The following JAZF1 variants were observed in gnomAD, a reference collection of about 807,000 sequenced individuals.
JAZF1 encodes JAZF zinc finger 1, also known as juxtaposed with another zinc finger protein 1.
Under a neutral mutation model 26.4 loss-of-function variants are expected in JAZF1, and 8 were observed. The ratio of observed to expected loss-of-function variants is 0.30; its 90% CI spans 0.18 to 0.55. The LOEUF (loss-of-function observed/expected upper bound fraction) is 0.55, where lower values mean the gene tolerates loss of function less well. Ranked by LOEUF, JAZF1 falls within the 20% of genes least tolerant of loss-of-function variation. The pLI is 0.94. For missense variants in JAZF1, 199 were observed against 322.0 expected, an observed-to-expected ratio of 0.62 and a Z score of 2.92; for synonymous variants, 126 against 122.3, an observed-to-expected ratio of 1.03 and a Z score of -0.20.
At chr7:28,143,218 T>G (rs80144478) in intron 1 of JAZF1, among the ~76,000 whole-genome samples, 8,877 of 152,288 alleles carry the variant, frequency 0.058, 794 homozygotes, top group African/African-American at 0.2. Context: ...GCCTCTAGCC[T>G]TGTAGTGCTG....
At chr7:27,914,868 C>G (rs1014617442) in intron 2 of JAZF1, 3 of 470,972 alleles carry the variant, frequency 6.4e-6, no homozygotes, top group Non-Finnish European at 1.3e-5. Flanking sequence ...TGTTCTAGAA[C>G]CTCCCTCTAG....
chr7:28,080,931 TAAAAAAAAACA>T (rs1297318134), intron 1 of JAZF1, among the ~76,000 whole-genome samples: 2 of 139,926 alleles, frequency 1.4e-5, no homozygotes, highest in Admixed American at 1.4e-4. Flanking sequence ...CTACAATTTG[TAAAAAAAAACA>T]AAAAAAAAAA....
At chr7:27,991,179 A>T (rs910649444) in intron 2 of JAZF1, among the ~76,000 whole-genome samples, 31 of 152,318 alleles carry the variant, frequency 2.0e-4, no homozygotes, top group African/African-American at 7.5e-4. Context: ...ATCAATAGAA[A>T]TTCATTCCCT....
intron 1 of JAZF1, among the ~76,000 whole-genome samples, chr7:28,148,364 C>A (rs1454654390): frequency 1.3e-5 from 2 of 152,300 alleles, no homozygotes; most frequent in African/African-American, 4.8e-5. Context: ...AGCCACCGCG[C>A]CTGGCCCACG....
chr7:27,876,275 A>AT (rs1783678329), intron 3 of JAZF1, among the ~76,000 whole-genome samples: 1 of 152,210 alleles, frequency 6.6e-6, no homozygotes, highest in Non-Finnish European at 1.5e-5. Flanking sequence ...CTAATACAGC[A>AT]TAATTCCTGA....
rs116842988 is a variant in JAZF1, at chr7:28,029,583, C to T, written c.116-37602G>A. Among the ~76,000 whole-genome samples, 159 of 152,206 alleles carry T rather than the reference C, an allele frequency of 1.0e-3. 1 individual carries two copies. The highest frequency in any genetic ancestry group is 6.8e-3 in the Middle Eastern group (2 of 294). On this transcript the variant is annotated intron_variant, in intron 1 of 4. Coordinates refer to ENST00000283928, the MANE Select transcript of JAZF1 (RefSeq NM_175061.4). ...TAATACCTATGTAGAGAATGAAAGG[C>T]TACATGGGAAAATCTATAGAATTCT...
chr7:27,942,217 G>A (rs141565251), intron 2 of JAZF1, among the ~76,000 whole-genome samples: 1 of 152,356 alleles, frequency 6.6e-6, no homozygotes, highest in Non-Finnish European at 1.5e-5. Flanking sequence ...CATTTATGGA[G>A]CTCTTGCATG....
chr7:27,948,478 G>A (rs577711395), intron 2 of JAZF1, among the ~76,000 whole-genome samples: 74 of 152,090 alleles, frequency 4.9e-4, no homozygotes, highest in Non-Finnish European at 7.4e-4. Flanking sequence ...TTCCCACTGT[G>A]CCACAATGCC....
At chr7:28,092,324 A>AAAAAAAAAAAAT (rs1784314923) in intron 1 of JAZF1, among the ~76,000 whole-genome samples, 1 of 135,242 alleles carries the variant, frequency 7.4e-6, no homozygotes, top group Non-Finnish European at 1.6e-5. Flanking sequence ...AAAAAAAAAA[A>AAAAAAAAAAAAT]AACAACTAAT....
chr7:27,867,902 G>A (rs912471876), intron 3 of JAZF1, among the ~76,000 whole-genome samples: 2 of 152,202 alleles, frequency 1.3e-5, no homozygotes, highest in African/African-American at 4.8e-5. Context: ...GGAGTGCCCA[G>A]TGACCCTGGC....
intron 2 of JAZF1, among the ~76,000 whole-genome samples, chr7:27,966,391 C>T (rs918945167): frequency 3.0e-4 from 46 of 152,102 alleles, no homozygotes; most frequent in African/African-American, 8.7e-4. Flanking sequence ...CAGATTGAAG[C>T]GGTGATGAGG....
chr7:27,914,030 G>A (rs1166612672), intron 2 of JAZF1, among the ~76,000 whole-genome samples: 1 of 152,180 alleles, frequency 6.6e-6, no homozygotes, highest in African/African-American at 2.4e-5. Flanking sequence ...CAGTAAAATC[G>A]AATGAATAAG....
chr7:28,030,235 T>C (rs1029751101), intron 1 of JAZF1, among the ~76,000 whole-genome samples: 3 of 152,202 alleles, frequency 2.0e-5, no homozygotes, highest in Admixed American at 2.0e-4. Flanking sequence ...GACTGTAGTT[T>C]AGGGAAGTTT....
In JAZF1 at chr7:28,180,648, G is replaced by C; in HGVS notation, c.-71C>G. On this transcript the variant is annotated 5_prime_UTR_variant, in exon 1 of 5. Transcript: ENST00000283928. ...GGCGGGCGAGGGAGGGAGGGAGGCC[G>C]GGTGGGGTGAGGAGAGGAGGGGCTG... The C allele has an allele frequency of 9.0e-7, 1 of 1,106,506 alleles. No homozygotes were observed. The highest frequency in any genetic ancestry group is 1.3e-6 in the Non-Finnish European group (1 of 748,368). 68.5% of individuals were successfully genotyped at this position (1,106,506 alleles called of 1,614,324 possible).
chr7:27,862,970 A>C (rs1232043483), intron 3 of JAZF1, among the ~76,000 whole-genome samples: 4 of 152,174 alleles, frequency 2.6e-5, no homozygotes, highest in Non-Finnish European at 1.5e-5. Context: ...ACTGAGACCA[A>C]AATCTAGGTG....
intron 1 of JAZF1, among the ~76,000 whole-genome samples, chr7:28,003,773 C>T (rs941190782): frequency 3.3e-5 from 5 of 152,090 alleles, no homozygotes; most frequent in African/African-American, 7.2e-5. Context: ...CTACATGCAC[C>T]GTGACATCTC....
intron 1 of JAZF1, among the ~76,000 whole-genome samples, chr7:28,015,464 A>G (rs756040765): frequency 2.0e-5 from 3 of 152,184 alleles, no homozygotes; most frequent in Non-Finnish European, 2.9e-5. Context: ...AATATATAAG[A>G]ACTGTACTAT....
chr7:27,925,914 A>G (rs1172356097), intron 2 of JAZF1, among the ~76,000 whole-genome samples: 1 of 152,240 alleles, frequency 6.6e-6, no homozygotes, highest in East Asian at 1.9e-4. Flanking sequence ...TTACAAAGAA[A>G]GGTGTACTAA....
intron 1 of JAZF1, among the ~76,000 whole-genome samples, chr7:28,072,879 A>C (rs966785894): frequency 6.6e-6 from 1 of 152,240 alleles, no homozygotes; most frequent in Non-Finnish European, 1.5e-5. Context: ...CTCTGGATAC[A>C]TATTTTTTAA....
Sources: allele counts gnomAD v4.1 joint callset (sites outside exome capture counted in the v4.1 genomes callset), GRCh38; gene constraint gnomAD v4.1.1; transcripts MANE v1.5; gene names NCBI Gene and HGNC (gene_info 2026-07-23, HGNC 2026-07-21).